Variants in TMEM132D observed in about 807,000 individuals in gnomAD.
The protein encoded by TMEM132D is transmembrane protein 132D, also known as mature OL transmembrane protein.
Under a neutral mutation model 62.3 loss-of-function variants are expected in TMEM132D, and 21 were observed. The observed-to-expected ratio is 0.34, with a 90% confidence interval of 0.24 to 0.49. The LOEUF (loss-of-function observed/expected upper bound fraction) is 0.49. TMEM132D is among the 20% of genes least tolerant of loss of function. The pLI is 0.99. For missense variants in TMEM132D, 1,346 were observed against 1,402.8 expected (o/e 0.96, Z 0.65); for synonymous variants, 621 against 575.6 (o/e 1.08, Z -1.13).
At chr12:129,244,151 C>T (rs1406217081) in intron 4 of TMEM132D, among the ~76,000 whole-genome samples, 9 of 151,996 alleles carry the variant, frequency 5.9e-5, no homozygotes, top group African/African-American at 1.7e-4. Flanking sequence ...TTTGGGAGGC[C>T]GAGGCGGGCA....
chr12:129,744,264 T>C (rs1343671731), intron 1 of TMEM132D, among the ~76,000 whole-genome samples: 2 of 152,254 alleles, frequency 1.3e-5, no homozygotes, highest in African/African-American at 4.8e-5. Flanking sequence ...AACTGCTTAC[T>C]ATTGCAAATG....
chr12:129,465,069 G>C (rs376128020), intron 3 of TMEM132D, among the ~76,000 whole-genome samples: 1 of 151,924 alleles, frequency 6.6e-6, no homozygotes, highest in Non-Finnish European at 1.5e-5. Flanking sequence ...GGCAGTATGG[G>C]CATTTTCACG....
intron 1 of TMEM132D, among the ~76,000 whole-genome samples, chr12:129,706,966 CAT>C (rs1337321572): frequency 2.0e-5 from 3 of 151,452 alleles, no homozygotes; most frequent in African/African-American, 4.8e-5. Context: ...AAAGCAAATT[CAT>C]AGTCTTCAAT....
intron 3 of TMEM132D, among the ~76,000 whole-genome samples, chr12:129,487,792 C>G (rs1447463118): frequency 1.3e-5 from 2 of 151,802 alleles, no homozygotes; most frequent in Non-Finnish European, 1.5e-5. Flanking sequence ...AAAAAATTAG[C>G]TGGGCATGGT....
chr12:129,090,212 A>C (rs1355741063), intron 5 of TMEM132D, among the ~76,000 whole-genome samples: 1 of 152,134 alleles, frequency 6.6e-6, no homozygotes, highest in Non-Finnish European at 1.5e-5. Context: ...TCTGATTGAA[A>C]AGCTGAATGG....
chr12:129,229,345 T>C (rs1289875404), intron 4 of TMEM132D, among the ~76,000 whole-genome samples: 1 of 152,242 alleles, frequency 6.6e-6, no homozygotes, highest in Non-Finnish European at 1.5e-5. Flanking sequence ...ATGTTGATAA[T>C]GAAGGTTCTT....
chr12:129,781,352 TGGTCA>T (rs1330618598), intron 1 of TMEM132D, among the ~76,000 whole-genome samples: 2 of 152,204 alleles, frequency 1.3e-5, no homozygotes, highest in African/African-American at 4.8e-5. Flanking sequence ...ACTCTGATGA[TGGTCA>T]GGTATGAGAC....
At chr12:129,083,956 G>A (rs892083337) in intron 6 of TMEM132D, among the ~76,000 whole-genome samples, 1 of 152,196 alleles carries the variant, frequency 6.6e-6, no homozygotes, top group Non-Finnish European at 1.5e-5. Context: ...TTTCACCAAG[G>A]CAGAGAGCTC....
At chr12:129,135,633 CTG>C (rs1356221628) in intron 5 of TMEM132D, among the ~76,000 whole-genome samples, 1 of 146,160 alleles carries the variant, frequency 6.8e-6, no homozygotes, top group Admixed American at 7.0e-5. Context: ...GCACTATAAG[CTG>C]TGTGCCTTAG....
At chr12:129,726,551 A>G (rs944103432) in intron 1 of TMEM132D, among the ~76,000 whole-genome samples, 6 of 152,156 alleles carry the variant, frequency 3.9e-5, no homozygotes, top group African/African-American at 1.4e-4. Context: ...GGGTCTGTGG[A>G]CCATGGTGAA....
intron 1 of TMEM132D, among the ~76,000 whole-genome samples, chr12:129,874,844 G>A (rs1874366632): frequency 6.6e-6 from 1 of 152,000 alleles, no homozygotes; most frequent in African/African-American, 2.4e-5. Context: ...GGGATTACAG[G>A]CGTGCGCCAC....
chr12:129,737,623 T>C (rs934901239), intron 1 of TMEM132D, among the ~76,000 whole-genome samples: 1 of 152,178 alleles, frequency 6.6e-6, no homozygotes, highest in Non-Finnish European at 1.5e-5. Flanking sequence ...GATGTTGTCC[T>C]TTTCATTTTG....
At chr12:129,166,549 A>G (rs1337814525) in intron 5 of TMEM132D, among the ~76,000 whole-genome samples, 1 of 152,028 alleles carries the variant, frequency 6.6e-6, no homozygotes, top group East Asian at 1.9e-4. Flanking sequence ...TATGTTAGCC[A>G]CTGCTATGTG....
At chr12:129,540,868 A>C (rs1472802477) in intron 2 of TMEM132D, among the ~76,000 whole-genome samples, 1 of 152,226 alleles carries the variant, frequency 6.6e-6, no homozygotes, top group Admixed American at 6.5e-5. Flanking sequence ...ACTGGCTTCA[A>C]GCAACCCTCC....
chr12:129,254,852 C>A (rs956085700), intron 4 of TMEM132D, among the ~76,000 whole-genome samples: 1 of 152,140 alleles, frequency 6.6e-6, no homozygotes, highest in Non-Finnish European at 1.5e-5. Flanking sequence ...TTCATCTCAC[C>A]CTAGGCTGTC....
chr12:129,531,649 A>G lies in TMEM132D; in HGVS notation c.969-444T>C, dbSNP rs373540815. ...CCAGGCCCTGATGGACACTGTGTCT[A>G]TATTATCTGATCTTCCTAGCAAGGT... On this transcript the variant is annotated intron_variant, in intron 2 of 8. Coordinates refer to ENST00000422113, the MANE Select transcript of TMEM132D (RefSeq NM_133448.3). 3.7e-4 allele frequency among the ~76,000 whole-genome samples: 57 copies of G among 152,298 alleles called. No individual in the cohort carries two copies. In the East Asian group the frequency reaches 7.2e-3, roughly 19 times the overall value.
chr12:129,142,252 C>T (rs945367737), intron 5 of TMEM132D, among the ~76,000 whole-genome samples: 3 of 152,122 alleles, frequency 2.0e-5, no homozygotes, highest in East Asian at 3.9e-4. Flanking sequence ...CCCTATCGTA[C>T]GTTGATGACC....
At chr12:129,597,917 A>C (rs1347203803) in intron 2 of TMEM132D, among the ~76,000 whole-genome samples, 1 of 152,166 alleles carries the variant, frequency 6.6e-6, no homozygotes, top group Admixed American at 6.5e-5. Context: ...TGATGGGTAC[A>C]TTCAAACAGG....
At chr12:129,369,968 C>A (rs1449884835) in intron 3 of TMEM132D, among the ~76,000 whole-genome samples, 1 of 152,114 alleles carries the variant, frequency 6.6e-6, no homozygotes, top group Non-Finnish European at 1.5e-5. Context: ...GCACAGCCAG[C>A]GTGGGACAGT....
Sources: gnomAD v4.1 joint callset for allele counts (sites outside exome capture counted in the v4.1 genomes callset) on GRCh38, gnomAD v4.1.1 for gene constraint, MANE v1.5 for transcripts, NCBI Gene and HGNC (gene_info 2026-07-23, HGNC 2026-07-21) for gene names.